Variants in PRKCA observed in about 807,000 individuals in gnomAD.
PRKCA encodes the protein protein kinase C alpha, also known as protein kinase C alpha type.
Under a neutral mutation model 87.0 loss-of-function variants are expected in PRKCA, and 27 were observed. That is an observed-to-expected ratio of 0.31 (90% CI 0.23 to 0.43). PRKCA has a LOEUF of 0.43. Among genes scored for constraint, PRKCA ranks in the 20% least tolerant of loss-of-function variants. The pLI is 1.00. For synonymous variants in PRKCA, 329 were observed against 311.1 expected (o/e 1.06, Z -0.61); for missense variants, 518 against 852.3 (o/e 0.61, Z 4.88).
chr17:66,571,120 T>C (rs939649757), intron 3 of PRKCA, among the ~76,000 whole-genome samples: 1 of 152,198 alleles, frequency 6.6e-6, no homozygotes, highest in African/African-American at 2.4e-5. Context: ...TAAATGTCTG[T>C]AGATATGAAG....
At chr17:66,331,611 G>A (rs1483126510) in intron 2 of PRKCA, among the ~76,000 whole-genome samples, 1 of 152,188 alleles carries the variant, frequency 6.6e-6, no homozygotes, top group Admixed American at 6.5e-5. Context: ...AGCTGGGGAG[G>A]AGGGACTGGA....
chr17:66,320,208 A>T (rs1043764673), intron 2 of PRKCA, among the ~76,000 whole-genome samples: 5 of 152,290 alleles, frequency 3.3e-5, no homozygotes, highest in African/African-American at 1.2e-4. Flanking sequence ...ACTGGCTATA[A>T]GAGTTAAGTG....
chr17:66,619,267 A>G (rs903361821), intron 3 of PRKCA, among the ~76,000 whole-genome samples: 3 of 151,986 alleles, frequency 2.0e-5, no homozygotes, highest in African/African-American at 7.3e-5. Context: ...CCCTCTCCTC[A>G]CTCTCTTTCG....
intron 3 of PRKCA, among the ~76,000 whole-genome samples, chr17:66,540,854 G>T (rs958844665): frequency 3.9e-5 from 6 of 152,148 alleles, no homozygotes; most frequent in African/African-American, 1.2e-4. Context: ...GGCACTTCCT[G>T]GACCTATTCC....
At chr17:66,754,896 G>A (rs929053068) in intron 13 of PRKCA, among the ~76,000 whole-genome samples, 2 of 152,088 alleles carry the variant, frequency 1.3e-5, no homozygotes, top group Non-Finnish European at 2.9e-5. Flanking sequence ...CCACCTTGAT[G>A]AGTTCATTCT....
At chr17:66,789,427 A>G (rs957083783) in intron 16 of PRKCA, among the ~76,000 whole-genome samples, 1 of 152,204 alleles carries the variant, frequency 6.6e-6, no homozygotes, top group Non-Finnish European at 1.5e-5. Context: ...CTAGCCAGCA[A>G]CTAGGCAGGG....
At chr17:66,789,031 G>A in intron 16 of PRKCA, 52 bp downstream of exon 16, 1 of 1,608,294 alleles carries the variant, frequency 6.2e-7, no homozygotes, top group Non-Finnish European at 8.5e-7. Flanking sequence ...CCAAATTCTG[G>A]GAGTATCCCA....
chr17:66,525,863 T>G (rs1385268434), intron 3 of PRKCA, among the ~76,000 whole-genome samples: 1 of 152,038 alleles, frequency 6.6e-6, no homozygotes, highest in Non-Finnish European at 1.5e-5. Context: ...TTTTTTCAAT[T>G]CAGAAGAAGG....
At chr17:66,631,644 T>C (rs1464389505) in intron 3 of PRKCA, among the ~76,000 whole-genome samples, 1 of 152,190 alleles carries the variant, frequency 6.6e-6, no homozygotes, top group Non-Finnish European at 1.5e-5. Flanking sequence ...AATTTAAAAG[T>C]TGTGCAGGGT....
intron 2 of PRKCA, among the ~76,000 whole-genome samples, chr17:66,345,480 G>A (rs1907302786): frequency 6.6e-6 from 1 of 152,074 alleles, no homozygotes; most frequent in African/African-American, 2.4e-5. Context: ...GTGTCATCCC[G>A]GGTCATCCTG....
At chr17:66,565,947 A>G (rs996661817) in intron 3 of PRKCA, among the ~76,000 whole-genome samples, 4 of 152,124 alleles carry the variant, frequency 2.6e-5, no homozygotes, top group African/African-American at 7.2e-5. Context: ...CTTGCCTGCA[A>G]TGAGGTTACC....
At chr17:66,776,972 C>T (rs1040915500) in intron 14 of PRKCA, among the ~76,000 whole-genome samples, 3 of 152,214 alleles carry the variant, frequency 2.0e-5, no homozygotes, top group African/African-American at 7.2e-5. Context: ...CCTTTTCATG[C>T]GCGTGCTTGA....
intron 9 of PRKCA, among the ~76,000 whole-genome samples, chr17:66,733,733 A>T (rs190478958): frequency 6.2e-4 from 95 of 152,334 alleles, no homozygotes; most frequent in African/African-American, 2.1e-3. Context: ...TGGAGGTTGC[A>T]GTAAGCCAAG....
At chr17:66,548,984 T>G (rs1009577249) in intron 3 of PRKCA, among the ~76,000 whole-genome samples, 3 of 151,990 alleles carry the variant, frequency 2.0e-5, no homozygotes, top group Non-Finnish European at 4.4e-5. Context: ...TTTTGTATTT[T>G]TTGGTAGAGA....
At chr17:66,314,340 A>G (rs4791073) in intron 2 of PRKCA, among the ~76,000 whole-genome samples, 147,310 of 152,286 alleles carry the variant, frequency 0.97, 71,258 homozygotes, top group East Asian at 1. Context: ...AACTTAAGGC[A>G]TGGCCACTTC....
At chr17:66,509,763 G>A (rs530259430) in intron 3 of PRKCA, among the ~76,000 whole-genome samples, 4 of 152,302 alleles carry the variant, frequency 2.6e-5, no homozygotes, top group East Asian at 1.9e-4. Flanking sequence ...CACTGGGGCC[G>A]TTAGTGTAAC....
At chr17:66,473,101 C>G (rs1448780842) in intron 2 of PRKCA, among the ~76,000 whole-genome samples, 5 of 152,128 alleles carry the variant, frequency 3.3e-5, no homozygotes, top group African/African-American at 1.2e-4. Context: ...TCCCCCATTC[C>G]CCCATTCCTC....
At chr17:66,489,356 T>C (rs1474903118) in intron 2 of PRKCA, among the ~76,000 whole-genome samples, 66 of 26,076 alleles carry the variant, frequency 2.5e-3, no homozygotes, top group African/African-American at 0.014. Context: ...GCAGTGCATA[T>C]ATATATATAT....
At chr17:66,623,694 T>C (rs1970759647) in intron 3 of PRKCA, among the ~76,000 whole-genome samples, 1 of 151,858 alleles carries the variant, frequency 6.6e-6, no homozygotes, top group Non-Finnish European at 1.5e-5. Context: ...TAAACAAAAA[T>C]GGAATAAGAA....
Sources: allele counts gnomAD v4.1 joint callset (sites outside exome capture counted in the v4.1 genomes callset), GRCh38; gene constraint gnomAD v4.1.1; transcripts MANE v1.5; gene names NCBI Gene and HGNC (gene_info 2026-07-23, HGNC 2026-07-21).